Variants in PALM2AKAP2 observed in about 807,000 individuals in gnomAD.
PALM2AKAP2 encodes PALM2-AKAP2 fusion protein.
PALM2AKAP2 carries 37 observed loss-of-function variants against 71.5 expected under a neutral mutation model. That is an observed-to-expected ratio of 0.52 (90% CI 0.40 to 0.68). PALM2AKAP2 has a LOEUF of 0.68. Among genes scored for constraint, PALM2AKAP2 ranks in the 30% least tolerant of loss-of-function variants. The probability of loss-of-function intolerance (pLI) is 0.00; values close to 1 mark genes in which losing one functional copy is unlikely to be tolerated. For missense variants in PALM2AKAP2, 1,224 were observed against 1,191.8 expected (o/e 1.03, Z -0.40); for synonymous variants, 468 against 478.8 (o/e 0.98, Z 0.29).
At chr9:109,721,266 T>C (rs754237330) in intron 1 of PALM2AKAP2, among the ~76,000 whole-genome samples, 1 of 152,190 alleles carries the variant, frequency 6.6e-6, no homozygotes, top group Non-Finnish European at 1.5e-5. Context: ...GCTCACACTG[T>C]GAAGGCTCAG....
At chr9:110,157,621 A>T (rs1180682254) in intron 3 of PALM2AKAP2, among the ~76,000 whole-genome samples, 1 of 152,034 alleles carries the variant, frequency 6.6e-6, no homozygotes, top group Admixed American at 6.5e-5. Context: ...ACTGTTCTTC[A>T]ACTCCTGAGC....
chr9:109,782,933 T>C (rs1257212420), intron 1 of PALM2AKAP2, among the ~76,000 whole-genome samples: 1 of 152,040 alleles, frequency 6.6e-6, no homozygotes, highest in African/African-American at 2.4e-5. Flanking sequence ...TTCCTGGAGT[T>C]CTCAGGGGAC....
rs140805528 is a variant in PALM2AKAP2, at chr9:109,788,459, G to A, written c.45+7926G>A. On this transcript the variant is annotated intron_variant, in intron 1 of 9. Transcript: ENST00000302798. ...GTTAGTGCATTAGGATCACCTGGAG[G>A]GTTCCTTAAAACACAGATTGCAAGA... is the stretch of plus-strand genomic sequence containing the variant. Among the ~76,000 whole-genome samples the A allele has an allele frequency of 1.7e-3, 260 of 152,284 alleles. 2 individuals carry two copies. The highest frequency in any genetic ancestry group is 6.0e-3 in the African/African-American group (248 of 41,540).
intron 6 of PALM2AKAP2, among the ~76,000 whole-genome samples, chr9:110,010,570 C>T (rs1412814068): frequency 1.4e-5 from 2 of 146,640 alleles, no homozygotes; most frequent in African/African-American, 5.0e-5. Context: ...TATATAAATT[C>T]TCTATATTTC....
intron 1 of PALM2AKAP2, among the ~76,000 whole-genome samples, chr9:109,783,475 T>G (rs1436699231): frequency 1.3e-5 from 2 of 152,122 alleles, no homozygotes; most frequent in Admixed American, 6.5e-5. Context: ...ATTTTTAAAT[T>G]TTTTGTAGAG....
intron 1 of PALM2AKAP2, among the ~76,000 whole-genome samples, chr9:109,785,560 G>A (rs995106514): frequency 6.6e-6 from 1 of 152,290 alleles, no homozygotes; most frequent in Admixed American, 6.5e-5. Context: ...CGTGGCTGGG[G>A]AGGCCTCACA....
At chr9:109,847,735 C>T (rs1242389651) in intron 1 of PALM2AKAP2, 3 of 94,654 alleles carry the variant, frequency 3.2e-5, no homozygotes, top group Admixed American at 2.5e-4. Context: ...TGCAAGACTC[C>T]ATCTCAAAAA....
chr9:110,049,407 A>G (rs1041921416), intron 1 of PALM2AKAP2, among the ~76,000 whole-genome samples: 14 of 152,176 alleles, frequency 9.2e-5, no homozygotes, highest in African/African-American at 2.7e-4. Context: ...GGCCCCAGCC[A>G]GAGTCTTTCG....
chr9:109,945,163 C>A (rs974588037), intron 6 of PALM2AKAP2: 10 of 151,996 alleles, frequency 6.6e-5, no homozygotes, highest in African/African-American at 2.4e-4. Flanking sequence ...AAGGTAAAAA[C>A]ATCAGTTTTT....
intron 1 of PALM2AKAP2, among the ~76,000 whole-genome samples, chr9:109,699,751 A>T (rs1828024763): frequency 6.7e-6 from 1 of 150,374 alleles, no homozygotes. Context: ...TTCCAATATC[A>T]ACTGTCAGCA....
intron 6 of PALM2AKAP2, among the ~76,000 whole-genome samples, chr9:109,988,161 A>G (rs1287705467): frequency 6.6e-6 from 1 of 152,238 alleles, no homozygotes; most frequent in African/African-American, 2.4e-5. Flanking sequence ...TTTGTTCCCT[A>G]ACAAAGCTAA....
At chr9:109,697,709 A>C (rs1827993113) in intron 1 of PALM2AKAP2, among the ~76,000 whole-genome samples, 1 of 152,226 alleles carries the variant, frequency 6.6e-6, no homozygotes, top group South Asian at 2.1e-4. Flanking sequence ...GGGTGCAAAA[A>C]AACTATCTCA....
At chr9:109,673,020 T>C (rs1378973386) in intron 1 of PALM2AKAP2, among the ~76,000 whole-genome samples, 1 of 152,108 alleles carries the variant, frequency 6.6e-6, no homozygotes, top group African/African-American at 2.4e-5. Flanking sequence ...TAGCAGTCTA[T>C]CTATTAAGTT....
At chr9:110,157,476 G>C (rs889423020) in intron 3 of PALM2AKAP2, among the ~76,000 whole-genome samples, 1 of 152,090 alleles carries the variant, frequency 6.6e-6, no homozygotes, top group African/African-American at 2.4e-5. Flanking sequence ...ATGGCTCATT[G>C]CAGCCTCGAC....
At chr9:109,800,071 G>A (rs1423473221) in intron 1 of PALM2AKAP2, among the ~76,000 whole-genome samples, 4 of 152,128 alleles carry the variant, frequency 2.6e-5, no homozygotes, top group African/African-American at 7.2e-5. Context: ...ATGTGCTGTT[G>A]GTGGAGAGAT....
chr9:109,843,139 T>TGAAAAAA (rs1169499624), intron 1 of PALM2AKAP2, among the ~76,000 whole-genome samples: 1 of 7,132 alleles, frequency 1.4e-4, no homozygotes, highest in African/African-American at 1.4e-3. Flanking sequence ...AAACTCGGTC[T>TGAAAAAA]CAAAAAAAAA....
At chr9:110,108,123 T>A (rs1331159189) in intron 1 of PALM2AKAP2, among the ~76,000 whole-genome samples, 1 of 151,052 alleles carries the variant, frequency 6.6e-6, no homozygotes, top group African/African-American at 2.4e-5. Context: ...TTTTTCTTTT[T>A]TTTTTTTTTG....
intron 1 of PALM2AKAP2, among the ~76,000 whole-genome samples, chr9:109,726,220 A>T (rs955416797): frequency 6.6e-6 from 1 of 152,158 alleles, no homozygotes; most frequent in Non-Finnish European, 1.5e-5. Flanking sequence ...TCAGTCAATC[A>T]GCTGCCCCTG....
intron 3 of PALM2AKAP2, among the ~76,000 whole-genome samples, chr9:109,909,047 C>T (rs371018500): frequency 6.8e-4 from 104 of 152,322 alleles, no homozygotes; most frequent in African/African-American, 2.4e-3. Flanking sequence ...GACTGTCCAT[C>T]ATTCTGGCCC....
Sources: allele counts gnomAD v4.1 joint callset (sites outside exome capture counted in the v4.1 genomes callset), GRCh38; gene constraint gnomAD v4.1.1; transcripts MANE v1.5; gene names NCBI Gene and HGNC (gene_info 2026-07-23, HGNC 2026-07-21).